The following LRRC49 variants were observed in gnomAD, a reference collection of about 807,000 sequenced individuals.
LRRC49 encodes leucine rich repeat containing 49.
In LRRC49, 50 loss-of-function variants were observed where a neutral mutation model predicts 83.3. The observed-to-expected ratio is 0.60, with a 90% CI of 0.48 to 0.76. The LOEUF (loss-of-function observed/expected upper bound fraction) is 0.76. LRRC49 is among the 30% of genes least tolerant of loss of function. The pLI is 0.00. For synonymous variants in LRRC49, 286 were observed against 283.3 expected (o/e 1.01, Z -0.10); for missense variants, 704 against 809.1 (o/e 0.87, Z 1.58).
intron 1 of LRRC49, among the ~76,000 whole-genome samples, chr15:70,856,100 TA>T (rs2032648544): frequency 6.6e-6 from 1 of 152,218 alleles, no homozygotes; most frequent in Non-Finnish European, 1.5e-5. Context: ...GAACAATTCA[TA>T]CATGTCTTTT....
At chr15:70,982,368 A>G (rs534886564) in intron 10 of LRRC49, among the ~76,000 whole-genome samples, 1 of 152,268 alleles carries the variant, frequency 6.6e-6, no homozygotes, top group African/African-American at 2.4e-5. Context: ...TTAGATTACA[A>G]ATTGGGTTGG....
In LRRC49 at chr15:70,916,942, C is replaced by T. The variant is rs1246786936; in HGVS notation, c.568-2108C>T. On this transcript the variant is annotated intron_variant, in intron 6 of 15. Coordinates refer to ENST00000260382, the MANE Select transcript of LRRC49 (RefSeq NM_017691.5). Reference sequence around the variant, plus strand: ...AAAGTACCCCCCAACCCTCACTCTCCCGACAGGTTCTGAAGTGTTTGTTTC... The same window carrying T: ...AAAGTACCCCCCAACCCTCACTCTCTCGACAGGTTCTGAAGTGTTTGTTTC... Among the ~76,000 whole-genome samples, 4 of 152,228 alleles carry T rather than the reference C, an allele frequency of 2.6e-5. No individual in the cohort carries two copies. In the East Asian group the frequency reaches 7.7e-4, roughly 29 times the overall value.
At chr15:70,929,351 T>G (rs1308651081) in intron 7 of LRRC49, among the ~76,000 whole-genome samples, 1 of 152,246 alleles carries the variant, frequency 6.6e-6, no homozygotes, top group East Asian at 1.9e-4. Flanking sequence ...TACTGTAGTC[T>G]ATTAAATGTG....
rs894267794 is a variant in LRRC49, at chr15:71,050,396, T to A, written c.*784T>A. 12 of 152,228 alleles carry A rather than the reference T, an allele frequency of 7.9e-5. No homozygotes were observed. The highest frequency in any genetic ancestry group is 2.2e-4 in the African/African-American group (9 of 41,472). The allele number at this position is 152,228 out of a possible 1,614,324, so 9.4% of individuals were successfully genotyped here. On this transcript the variant is annotated 3_prime_UTR_variant, in exon 16 of 16. Coordinates refer to ENST00000260382, the MANE Select transcript of LRRC49 (RefSeq NM_017691.5). Reference sequence around the variant, plus strand: ...CTCTCAAATGCTCTTTTAATAGACATGCATGTGTACCTGTGTCTCAGAAGT... The same window carrying A: ...CTCTCAAATGCTCTTTTAATAGACAAGCATGTGTACCTGTGTCTCAGAAGT...
chr15:70,940,114 T>C (rs1198393542), intron 8 of LRRC49, among the ~76,000 whole-genome samples: 1 of 152,118 alleles, frequency 6.6e-6, no homozygotes, highest in African/African-American at 2.4e-5. Context: ...GCTTGATAAG[T>C]CACCCTATAT....
intron 2 of LRRC49, among the ~76,000 whole-genome samples, chr15:70,875,543 T>C (rs2033136110): frequency 6.6e-6 from 1 of 152,180 alleles, no homozygotes; most frequent in Non-Finnish European, 1.5e-5. Flanking sequence ...TTGGCATAAC[T>C]AGAATGGAAG....
intron 12 of LRRC49, 141 bp from the exon 13 acceptor site, chr15:71,009,666 G>C: frequency 3.6e-6 from 2 of 555,884 alleles, no homozygotes; most frequent in East Asian, 5.9e-5. Flanking sequence ...ACATTCAGTT[G>C]ATTTAATGTA....
chr15:70,895,630 G>T, intron 2 of LRRC49: 1 of 431,152 alleles, frequency 2.3e-6, no homozygotes, highest in Non-Finnish European at 4.1e-6. Context: ...CCCATTCCCT[G>T]CTTCCCTTAA....
chr15:70,941,867 A>G (rs772274381), intron 8 of LRRC49, among the ~76,000 whole-genome samples: 1 of 152,180 alleles, frequency 6.6e-6, no homozygotes, highest in Non-Finnish European at 1.5e-5. Flanking sequence ...ATCGTTTTCT[A>G]TTAAAAGATT....
chr15:70,862,787 G>C (rs548166040), intron 1 of LRRC49, among the ~76,000 whole-genome samples: 16 of 152,196 alleles, frequency 1.1e-4, no homozygotes, highest in African/African-American at 3.6e-4. Flanking sequence ...CAGGCTAGTG[G>C]TTCATCTGAT....
chr15:70,950,813 T>G (rs539059709), intron 8 of LRRC49, among the ~76,000 whole-genome samples: 1 of 152,218 alleles, frequency 6.6e-6, no homozygotes, highest in Non-Finnish European at 1.5e-5. Flanking sequence ...TTTTGAAGAC[T>G]TAGTCATAAA....
At chr15:70,909,950 TTTAAATTCTAG>T (rs1040853360) in intron 5 of LRRC49, among the ~76,000 whole-genome samples, 132 of 152,020 alleles carry the variant, frequency 8.7e-4, no homozygotes, top group African/African-American at 3.1e-3. Flanking sequence ...ATTTGAGAGA[TTTAAATTCTAG>T]ATAGGATAGT....
upstream of LRRC49, among the ~76,000 whole-genome samples, chr15:70,889,977 CT>C (rs1301166409): frequency 3.9e-5 from 6 of 152,152 alleles, no homozygotes; most frequent in African/African-American, 1.4e-4. Flanking sequence ...TATTTTAGAA[CT>C]CACAGTTTTC....
intron 2 of LRRC49, among the ~76,000 whole-genome samples, 178 bp downstream of exon 2, chr15:70,893,818 T>TA (rs1357732864): frequency 1.3e-5 from 2 of 152,024 alleles, no homozygotes; most frequent in African/African-American, 4.8e-5. Context: ...TAGCCCTCTT[T>TA]AAAAAACTTA....
upstream of LRRC49, among the ~76,000 whole-genome samples, chr15:70,889,169 A>G (rs1272216590): frequency 6.6e-6 from 1 of 152,204 alleles, no homozygotes; most frequent in Non-Finnish European, 1.5e-5. Context: ...GATAGCCCCA[A>G]TGGGTAAAAA....
intron 11 of LRRC49, among the ~76,000 whole-genome samples, chr15:70,997,171 T>C (rs781664291): frequency 6.6e-6 from 1 of 152,232 alleles, no homozygotes; most frequent in Non-Finnish European, 1.5e-5. Context: ...TGTAGAACTG[T>C]TTCTTCTTTC....
At chr15:70,998,019 T>A (rs1260060137) in intron 11 of LRRC49, among the ~76,000 whole-genome samples, 2 of 152,186 alleles carry the variant, frequency 1.3e-5, no homozygotes, top group African/African-American at 4.8e-5. Context: ...GGATTACAAT[T>A]AACATTTTAA....
At chr15:70,863,286 C>T (rs930252177) in intron 1 of LRRC49, among the ~76,000 whole-genome samples, 5 of 152,204 alleles carry the variant, frequency 3.3e-5, no homozygotes, top group African/African-American at 1.2e-4. Flanking sequence ...TTAATAATCT[C>T]CCAAGTGGTT....
At position 71,012,836 on chromosome 15, in the gene LRRC49, G is replaced by T. The variant is rs549499369; in HGVS notation, c.1626G>T (p.Arg542Ser). Residue 542 changes from arginine to serine, a missense_variant, in exon 14 of 16, where the codon AGG becomes AGT. Physicochemically the swap from Arg to Ser is moderately radical, Grantham distance 110 (BLOSUM62 -1). Coordinates refer to ENST00000260382, the MANE Select transcript of LRRC49 (RefSeq NM_017691.5). ...VTQNDMIMAE[R>S]LFGILAHVAS... The stretch of plus-strand genomic sequence containing the variant: ...AGAATGATATGATAATGGCTGAAAG[G>T]CTCTTTGGAATCCTAGCACATGTAG... 1.2e-6 allele frequency: 2 copies of T among 1,612,840 alleles called. No homozygotes were observed. Among genetic ancestry groups the T allele is most frequent in the East Asian group, 4.5e-5 (2 of 44,808 alleles).
Sources: gnomAD v4.1 joint callset for allele counts (sites outside exome capture counted in the v4.1 genomes callset) on GRCh38, gnomAD v4.1.1 for gene constraint, MANE v1.5 for transcripts, NCBI Gene and HGNC (gene_info 2026-07-23, HGNC 2026-07-21) for gene names.